The following SDK1 variants were observed in gnomAD, a reference collection of about 807,000 sequenced individuals.
SDK1 encodes the protein protein sidekick-1.
In SDK1, 157 loss-of-function variants were observed where a neutral mutation model predicts 245.5. That is an observed-to-expected ratio of 0.64 (90% CI 0.56 to 0.73). The LOEUF (loss-of-function observed/expected upper bound fraction) is 0.73. Among genes scored for constraint, SDK1 ranks in the 30% least tolerant of loss-of-function variants. SDK1 has a pLI of 0.00. For missense variants in SDK1, 3,583 were observed against 3,002.3 expected, an observed-to-expected ratio of 1.19 and a Z score of -4.52; for synonymous variants, 1,647 against 1,278.5, an observed-to-expected ratio of 1.29 and a Z score of -6.15.
rs1032273417 is a variant in SDK1 at position 3,401,241 on chromosome 7, T to A, written c.298+99357T>A. 2.6e-5 allele frequency among the ~76,000 whole-genome samples: 4 copies of A among 152,112 alleles called. No individual in the cohort carries two copies. In the East Asian group the frequency reaches 7.7e-4, roughly 29 times the overall value. The stretch of plus-strand genomic sequence containing the variant: ...TTCTAGAATAATCACATGACAAGAT[T>A]TGGGGGAATACACAGAATTCCAATC... On this transcript the variant is annotated intron_variant, in intron 1 of 44. Transcript: ENST00000404826.
chr7:3,573,691 C>G (rs1012123912), intron 1 of SDK1, among the ~76,000 whole-genome samples: 2 of 151,952 alleles, frequency 1.3e-5, no homozygotes, highest in African/African-American at 4.8e-5. Context: ...TAGCTCAGGG[C>G]CAACACTAAA....
intron 17 of SDK1, among the ~76,000 whole-genome samples, chr7:4,019,828 C>G (rs1242229727): frequency 1.3e-5 from 2 of 152,118 alleles, no homozygotes; most frequent in African/African-American, 4.8e-5. Flanking sequence ...TGCCTCGGCA[C>G]TCCTGGGAGC....
At chr7:3,953,967 C>T (rs567662478) in intron 7 of SDK1, among the ~76,000 whole-genome samples, 47 of 152,124 alleles carry the variant, frequency 3.1e-4, no homozygotes, top group Admixed American at 1.4e-3. Context: ...GCCCTGTGGC[C>T]GAGCATTATT....
chr7:3,782,588 A>T (rs2115013815), intron 4 of SDK1, among the ~76,000 whole-genome samples: 1 of 152,332 alleles, frequency 6.6e-6, no homozygotes, highest in Admixed American at 6.5e-5. Flanking sequence ...CTTCGTATAC[A>T]AAGGAGTACC....
intron 4 of SDK1, among the ~76,000 whole-genome samples, chr7:3,713,259 C>T (rs1359166482): frequency 6.6e-6 from 1 of 152,210 alleles, no homozygotes; most frequent in Non-Finnish European, 1.5e-5. Flanking sequence ...TGATCTTTCT[C>T]CTTCCAAGTC....
chr7:3,545,489 C>G (rs529854174), intron 1 of SDK1, among the ~76,000 whole-genome samples: 20 of 152,314 alleles, frequency 1.3e-4, no homozygotes, highest in Non-Finnish European at 1.3e-4. Flanking sequence ...CCTCATCCTT[C>G]AAGACTTAAT....
At chr7:3,691,849 A>G (rs895658707) in intron 4 of SDK1, among the ~76,000 whole-genome samples, 1 of 152,184 alleles carries the variant, frequency 6.6e-6, no homozygotes, top group Non-Finnish European at 1.5e-5. Flanking sequence ...AAAATGTATT[A>G]TAAGGCAGGT....
chr7:3,473,031 C>T (rs114087640), intron 1 of SDK1, among the ~76,000 whole-genome samples: 132 of 152,302 alleles, frequency 8.7e-4, no homozygotes, highest in African/African-American at 2.9e-3. Context: ...GCTCTTCTTC[C>T]GCCATCATCA....
At chr7:3,590,159 A>T (rs112480960) in intron 1 of SDK1, among the ~76,000 whole-genome samples, 1 of 152,232 alleles carries the variant, frequency 6.6e-6, no homozygotes, top group African/African-American at 2.4e-5. Flanking sequence ...AGGTAGCCTC[A>T]GGCTGTGCTC....
At chr7:3,418,145 G>GAAAAAAAAAAA (rs200914826) in intron 1 of SDK1, among the ~76,000 whole-genome samples, 6 of 119,726 alleles carry the variant, frequency 5.0e-5, no homozygotes, top group African/African-American at 2.3e-4. Context: ...TACTAAAAAT[G>GAAAAAAAAAAA]AAAAAAAAAA....
chr7:3,472,510 C>G (rs1021765908), intron 1 of SDK1, among the ~76,000 whole-genome samples: 1 of 152,082 alleles, frequency 6.6e-6, no homozygotes, highest in Non-Finnish European at 1.5e-5. Flanking sequence ...TTTAAAAGAA[C>G]AAATTTATGA....
At chr7:4,104,955 C>T (rs1047354304) in intron 22 of SDK1, among the ~76,000 whole-genome samples, 4 of 151,954 alleles carry the variant, frequency 2.6e-5, no homozygotes, top group African/African-American at 7.3e-5. Context: ...GATCCTCCTG[C>T]CATGTCTCCC....
At chr7:3,403,104 T>G (rs1778935076) in intron 1 of SDK1, among the ~76,000 whole-genome samples, 1 of 152,124 alleles carries the variant, frequency 6.6e-6, no homozygotes, top group Non-Finnish European at 1.5e-5. Context: ...CCAGCTAATT[T>G]TGTATTTTTA....
intron 1 of SDK1, among the ~76,000 whole-genome samples, chr7:3,446,248 A>G (rs1278797368): frequency 1.3e-5 from 2 of 152,036 alleles, no homozygotes; most frequent in African/African-American, 4.8e-5. Context: ...TGTAACCTTG[A>G]AACCCTCTAT....
chr7:4,050,122 C>T (rs557080372), intron 18 of SDK1, among the ~76,000 whole-genome samples: 1 of 152,294 alleles, frequency 6.6e-6, no homozygotes, highest in African/African-American at 2.4e-5. Flanking sequence ...TACAATAGGT[C>T]CACTAATCGT....
chr7:3,762,533 A>T (rs1048604686), intron 4 of SDK1, among the ~76,000 whole-genome samples: 1 of 152,254 alleles, frequency 6.6e-6, no homozygotes, highest in African/African-American at 2.4e-5. Context: ...ATTACTGAGT[A>T]AATTGAGGGA....
At chr7:3,590,007 A>C (rs536951983) in intron 1 of SDK1, among the ~76,000 whole-genome samples, 3 of 152,348 alleles carry the variant, frequency 2.0e-5, no homozygotes, top group African/African-American at 7.2e-5. Context: ...ACAGGGTGCT[A>C]GGCCAGGATA....
At chr7:3,734,997 A>T (rs531326667) in intron 4 of SDK1, among the ~76,000 whole-genome samples, 5 of 152,122 alleles carry the variant, frequency 3.3e-5, no homozygotes, top group Admixed American at 2.6e-4. Flanking sequence ...CATTCTCCCC[A>T]TGGGTCAGTT....
intron 40 of SDK1, among the ~76,000 whole-genome samples, chr7:4,221,610 C>G (rs1467753004): frequency 1.3e-5 from 2 of 152,174 alleles, no homozygotes; most frequent in Non-Finnish European, 2.9e-5. Flanking sequence ...AGGACACTTA[C>G]TTAGGATGAT....
Sources: gnomAD v4.1 joint callset for allele counts (sites outside exome capture counted in the v4.1 genomes callset) on GRCh38, gnomAD v4.1.1 for gene constraint, MANE v1.5 for transcripts, NCBI Gene and HGNC (gene_info 2026-07-23, HGNC 2026-07-21) for gene names.